Variants in TRPV3 observed in about 807,000 individuals in gnomAD.
The protein encoded by TRPV3 is transient receptor potential cation channel subfamily V member 3.
TRPV3 carries 88 observed loss-of-function variants against 87.1 expected under a neutral mutation model. The observed-to-expected ratio is 1.01, with a 90% confidence interval of 0.85 to 1.21. The LOEUF (loss-of-function observed/expected upper bound fraction) is 1.21. TRPV3 is among the 50% of genes most tolerant of loss of function. The pLI, the probability that TRPV3 is intolerant of heterozygous loss-of-function variation, is 0.00. For synonymous variants in TRPV3, 438 were observed against 423.3 expected (o/e 1.03, Z -0.43); for missense variants, 1,054 against 1,030.1 (o/e 1.02, Z -0.32).
At chr17:3,547,204 C>G (rs1163363747) in intron 2 of TRPV3, among the ~76,000 whole-genome samples, 1 of 152,214 alleles carries the variant, frequency 6.6e-6, no homozygotes, top group Non-Finnish European at 1.5e-5. Flanking sequence ...GAGGGGCCGT[C>G]CCTAGACTCT....
At chr17:3,544,728 G>C in intron 3 of TRPV3, 63 bp from the exon 4 acceptor site, 1 of 1,230,964 alleles carries the variant, frequency 8.1e-7, no homozygotes, top group Non-Finnish European at 1.2e-6. Context: ...CGGGTGAGGT[G>C]GCTCATGCAT....
In TRPV3 at chr17:3,528,375, A is replaced by G. The variant is rs2074318841; in HGVS notation, c.1402-249T>C. ...TCCGTGCTAACAACCCTCACACTCC[A>G]TTGCAATAGCCTTTCCGGAACCCAT... On this transcript the variant is annotated intron_variant, in intron 10 of 17. Transcript: ENST00000576742. This position sits in a 1 kb window ranked among gnomAD's most constrained non-coding sequence, Gnocchi z 4.2. 6.6e-6 allele frequency among the ~76,000 whole-genome samples: 1 copy of G among 152,128 alleles called. No individual in the cohort carries two copies. The highest frequency in any genetic ancestry group is 2.4e-5 in the African/African-American group (1 of 41,436).
At chr17:3,555,587 A>T (rs1474609590) in intron 1 of TRPV3, among the ~76,000 whole-genome samples, 1 of 152,032 alleles carries the variant, frequency 6.6e-6, no homozygotes, top group African/African-American at 2.4e-5. Flanking sequence ...CCGACCCCCC[A>T]GTCCAGACCT....
chr17:3,522,563 A>AC (rs968240929), intron 13 of TRPV3, among the ~76,000 whole-genome samples: 1 of 81,620 alleles, frequency 1.2e-5, no homozygotes, highest in African/African-American at 4.5e-5. Context: ...TCCCCCCCCC[A>AC]CCCCCCAGCA....
chr17:3,524,133 A>G, intron 13 of TRPV3, 65 bp downstream of exon 13: 1 of 1,584,488 alleles, frequency 6.3e-7, no homozygotes, highest in Non-Finnish European at 8.6e-7. Context: ...TCCAGATCTC[A>G]GTTTCCCCAT....
chr17:3,515,724 T>C (rs1442354939), intron 16 of TRPV3, among the ~76,000 whole-genome samples: 1 of 150,284 alleles, frequency 6.7e-6, no homozygotes, highest in African/African-American at 2.4e-5. Flanking sequence ...CAGAGATCTG[T>C]CAAAGTAGCC....
intron 5 of TRPV3, 23 bp downstream of exon 5, chr17:3,543,451 C>T (rs1056704350): frequency 6.2e-7 from 1 of 1,611,092 alleles, no homozygotes; most frequent in Non-Finnish European, 8.5e-7. Flanking sequence ...GCCCTGCACC[C>T]TCTGCCAGGC....
Position 3,528,702 on chromosome 17 carries a change from C to T in TRPV3, c.1401+135G>A, listed in dbSNP as rs2074321748. On this transcript the variant is annotated intron_variant, in intron 10 of 17. Coordinates refer to ENST00000576742, the MANE Select transcript of TRPV3 (RefSeq NM_145068.4). This position sits in a 1 kb window ranked among gnomAD's most constrained non-coding sequence, Gnocchi z 4.2. ...AAGACATATTCAGTTCCCTGGGAAGCGTGAAGGACAACTGGGGGACCCCGC... is the reference window on the plus strand; with the variant it reads ...AAGACATATTCAGTTCCCTGGGAAGTGTGAAGGACAACTGGGGGACCCCGC... 20 of 1,012,386 alleles carry T rather than the reference C, an allele frequency of 2.0e-5. No homozygotes were observed. The highest frequency in any genetic ancestry group is 1.8e-4 in the South Asian group (11 of 60,648). 62.7% of individuals were successfully genotyped at this position (1,012,386 alleles called of 1,614,324 possible).
intron 2 of TRPV3, among the ~76,000 whole-genome samples, chr17:3,546,259 T>C (rs551380245): frequency 6.6e-6 from 1 of 152,032 alleles, no homozygotes; most frequent in Admixed American, 6.6e-5. Context: ...CTGACCAATA[T>C]GGAGAAACCC....
chr17:3,542,589 G>A lies in TRPV3; in HGVS notation c.576C>T (p.Ala192=). The A allele has an allele frequency of 6.2e-7, 1 of 1,614,024 alleles. No individual in the cohort carries two copies. The highest frequency in any genetic ancestry group is 1.3e-5 in the African/African-American group (1 of 75,014). ...CCAGGATGTCGTTCTCTTCAGCAAAGGCAAGCAGGATCCGCACTATCTCCT... is the reference window on the plus strand; with the variant it reads ...CCAGGATGTCGTTCTCTTCAGCAAAAGCAAGCAGGATCCGCACTATCTCCT... ...NTKEIVRILL[A]FAEENDILGR... The change falls in exon 6 of 18, where the codon GCC becomes GCT. Residue 192 remains alanine, a synonymous_variant. Coordinates refer to ENST00000576742, the MANE Select transcript of TRPV3 (RefSeq NM_145068.4).
In TRPV3 at chr17:3,530,387, T is replaced by TGCACAAA; in HGVS notation, c.1066-185_1066-184insTTTGTGC. The TGCACAAA allele has an allele frequency of 1.8e-6, 1 of 543,116 alleles. No homozygotes were observed. Among genetic ancestry groups the TGCACAAA allele is most frequent in the East Asian group, 3.1e-5 (1 of 32,472 alleles). 33.6% of individuals were successfully genotyped at this position (543,116 alleles called of 1,614,324 possible). A position where few individuals can be genotyped will look rare whatever the true frequency, so the allele number is the denominator to read the frequency against. ...TTATCTGTGGAATGCGCACAAAGCT[T>TGCACAAA]GCTGTTCCGCCCATCTCACTGGGGG... On this transcript the variant is annotated intron_variant, in intron 8 of 17. Transcript: ENST00000576742. The surrounding 1 kb of genome is among the most constrained non-coding windows in gnomAD (Gnocchi z 4.0).
chr17:3,528,820 C>G lies in TRPV3; in HGVS notation c.1401+17G>C, dbSNP rs370014693. 29 of 1,613,864 alleles carry G rather than the reference C, an allele frequency of 1.8e-5. No individual in the cohort carries two copies. The highest frequency in any genetic ancestry group is 2.5e-5 in the Non-Finnish European group (29 of 1,179,856). ...GCTCTGACGGCCCCATTTTCCCCCT[C>G]CAAGGGGCCCACGTACCTCCTCCTC... On this transcript the variant is annotated intron_variant, in intron 10 of 17. Coordinates refer to ENST00000576742, the MANE Select transcript of TRPV3 (RefSeq NM_145068.4). The surrounding 1 kb of genome is among the most constrained non-coding windows in gnomAD (Gnocchi z 4.2).
chr17:3,547,246 G>T (rs2074535547), intron 2 of TRPV3, among the ~76,000 whole-genome samples: 1 of 152,226 alleles, frequency 6.6e-6, no homozygotes, highest in Non-Finnish European at 1.5e-5. Context: ...GGCTCTTGAG[G>T]GAGAGGGAGA....
At chr17:3,548,983 G>C (rs2074548894) in intron 2 of TRPV3, among the ~76,000 whole-genome samples, 1 of 152,174 alleles carries the variant, frequency 6.6e-6, no homozygotes, top group Non-Finnish European at 1.5e-5. Context: ...CAACCAGTCT[G>C]ATTGCCACTT....
intron 8 of TRPV3, among the ~76,000 whole-genome samples, chr17:3,531,382 A>G (rs909529932): frequency 2.6e-5 from 4 of 152,192 alleles, no homozygotes; most frequent in African/African-American, 9.7e-5. Context: ...ATGAGAGCCC[A>G]GGCAGAGAGC....
rs545439089 is a variant in TRPV3 at position 3,548,833 on chromosome 17, A to G, written c.120-3562T>C. On this transcript the variant is annotated intron_variant, in intron 2 of 17. Coordinates refer to ENST00000576742, the MANE Select transcript of TRPV3 (RefSeq NM_145068.4). ...GCCTCCTGTATGACCCCAGATGATC[A>G]CTTGCCATCTCTGGGCCAGTCATCT... is the stretch of plus-strand genomic sequence containing the variant. Among the ~76,000 whole-genome samples, 14 of 152,282 alleles carry G rather than the reference A, an allele frequency of 9.2e-5. No homozygotes were observed. In the East Asian group the frequency reaches 2.7e-3, roughly 29 times the overall value.
intron 14 of TRPV3, among the ~76,000 whole-genome samples, chr17:3,519,704 A>ATG: frequency 1.2e-5 from 1 of 86,058 alleles, no homozygotes; most frequent in Non-Finnish European, 2.2e-5. Context: ...ATGGATGGAT[A>ATG]GATGGATGGA....
In TRPV3 at chr17:3,554,722, C is replaced by G; in HGVS notation, c.119+10G>C. The G allele has an allele frequency of 6.3e-7, 1 of 1,597,908 alleles. No individual in the cohort carries two copies. Among genetic ancestry groups the G allele is most frequent in the Non-Finnish European group, 8.6e-7 (1 of 1,167,838 alleles). ...TGCCGCAGTCCGTGTCCCGAGCTCT[C>G]CAAACCCACCTCTTCTTTGTGGGGG... On this transcript the variant is annotated intron_variant, in intron 2 of 17. Coordinates refer to ENST00000576742, the MANE Select transcript of TRPV3 (RefSeq NM_145068.4).
intron 6 of TRPV3, among the ~76,000 whole-genome samples, chr17:3,541,819 C>T (rs2074464341): frequency 1.3e-5 from 2 of 152,254 alleles, no homozygotes; most frequent in African/African-American, 4.8e-5. Context: ...ACCACTCTGA[C>T]TGTCCACTCT....
Sources: allele counts gnomAD v4.1 joint callset (sites outside exome capture counted in the v4.1 genomes callset), GRCh38; gene constraint gnomAD v4.1.1; non-coding constraint Gnocchi (gnomAD v3.1); transcripts MANE v1.5; gene names NCBI Gene and HGNC (gene_info 2026-07-23, HGNC 2026-07-21).